Variants in PAICS observed in about 807,000 individuals in gnomAD.
The protein encoded by PAICS is phosphoribosylaminoimidazole carboxylase and phosphoribosylaminoimidazolesuccinocarboxamide synthase.
A neutral mutation model predicts 53.7 loss-of-function variants in PAICS; 33 were observed. That is an observed-to-expected ratio of 0.61 (90% CI 0.47 to 0.82). The LOEUF is 0.82. Ranked by LOEUF, PAICS falls within the 40% of genes least tolerant of loss-of-function variation. PAICS has a pLI of 0.00. For synonymous variants in PAICS, 141 were observed against 167.2 expected, an observed-to-expected ratio of 0.84 and a Z score of 1.21; for missense variants, 394 against 494.1, an observed-to-expected ratio of 0.80 and a Z score of 1.92.
In PAICS at chr4:56,459,570, A is replaced by T; in HGVS notation, c.*32A>T. 6.8e-7 allele frequency: 1 copy of T among 1,469,052 alleles called. No individual in the cohort carries two copies. Among genetic ancestry groups the T allele is most frequent in the South Asian group, 1.3e-5 (1 of 76,448 alleles). 91.0% of individuals were successfully genotyped at this position (1,469,052 alleles called of 1,614,324 possible). A position where few individuals can be genotyped will look rare whatever the true frequency, so the allele number is the denominator to read the frequency against. Reference sequence around the variant, plus strand: ...ATGCCATTGAATTTTTTAGGGGAAAAACTACAAATTTCTAATTTAGCTGAA... The same window carrying T: ...ATGCCATTGAATTTTTTAGGGGAAATACTACAAATTTCTAATTTAGCTGAA... On this transcript the variant is annotated 3_prime_UTR_variant, in exon 9 of 9. Transcript: ENST00000512576.
upstream of PAICS, among the ~76,000 whole-genome samples, chr4:56,434,598 G>C (rs144298967): frequency 2.0e-5 from 3 of 152,146 alleles, no homozygotes; most frequent in Non-Finnish European, 4.4e-5. Context: ...TTGGCATAGA[G>C]ACACTACTCC....
upstream of PAICS, among the ~76,000 whole-genome samples, chr4:56,433,916 T>C (rs1717749189): frequency 6.6e-6 from 1 of 152,118 alleles, no homozygotes; most frequent in Non-Finnish European, 1.5e-5. Context: ...GGTCTCGATC[T>C]CTTAACCTCG....
At chr4:56,415,472 C>T in the PAICS span, among the ~76,000 whole-genome samples, 2 of 152,154 alleles carry the variant, frequency 1.3e-5, no homozygotes, top group East Asian at 3.9e-4. Flanking sequence ...TATATAAAAG[C>T]ATCCAAACCA....
chr4:56,455,893 G>C (rs1049337642), intron 8 of PAICS, among the ~76,000 whole-genome samples: 1 of 152,082 alleles, frequency 6.6e-6, no homozygotes, highest in Non-Finnish European at 1.5e-5. Context: ...CTTTCGGTGA[G>C]CTCTTTTAAT....
chr4:56,429,940 T>C, the PAICS span, among the ~76,000 whole-genome samples: 2 of 152,116 alleles, frequency 1.3e-5, no homozygotes, highest in Non-Finnish European at 1.5e-5. Context: ...TTATTTTTTA[T>C]TACTGTAGAA....
At chr4:56,436,216 C>T (rs547736974), upstream of PAICS, 21 of 1,536,162 alleles carry the variant, frequency 1.4e-5, 1 homozygote, top group South Asian at 2.5e-4. Flanking sequence ...GCGGCCCCGC[C>T]TCCTTCCCCG....
intron 7 of PAICS, among the ~76,000 whole-genome samples, chr4:56,452,597 G>T (rs191932179): frequency 1.1e-4 from 16 of 152,286 alleles, no homozygotes; most frequent in Admixed American, 2.6e-4. Context: ...CTAGAATGAT[G>T]AGAACCTCTG....
At chr4:56,459,206 A>C (rs1719375020) in intron 8 of PAICS, among the ~76,000 whole-genome samples, 166 bp from the exon 9 acceptor site, 1 of 152,170 alleles carries the variant, frequency 6.6e-6, no homozygotes, top group African/African-American at 2.4e-5. Flanking sequence ...TCACTTTACC[A>C]CTCCGGTATT....
At position 56,460,700 on chromosome 4, in the gene PAICS, G is replaced by C. The variant is rs1719467090; in HGVS notation, c.*1162G>C. The stretch of plus-strand genomic sequence containing the variant: ...AGAATTGATGAGGTAGCTGGGCACA[G>C]TGGCTCACACCTACGATCACAGCAC... On this transcript the variant is annotated 3_prime_UTR_variant, in exon 9 of 9. Transcript: ENST00000512576. 6.6e-6 allele frequency: 1 copy of C among 152,240 alleles called. No individual in the cohort carries two copies. The highest frequency in any genetic ancestry group is 6.5e-5 in the Admixed American group (1 of 15,288). The allele number at this position is 152,240 out of a possible 1,614,324, so 9.4% of individuals were successfully genotyped here.
At chr4:56,437,732 A>T (rs1156954612) in intron 1 of PAICS, among the ~76,000 whole-genome samples, 1 of 150,430 alleles carries the variant, frequency 6.6e-6, no homozygotes, top group South Asian at 2.1e-4. Context: ...GAGGCAGGAG[A>T]ATCACTTGAA....
At chr4:56,423,088 G>A in the PAICS span, 13,991 of 152,190 alleles carry the variant, frequency 0.092, 799 homozygotes, top group East Asian at 0.25. Context: ...ACCAAAACTG[G>A]GGAGGAGGAG....
upstream of PAICS, among the ~76,000 whole-genome samples, chr4:56,434,533 A>C (rs1717791834): frequency 6.6e-6 from 1 of 152,240 alleles, no homozygotes; most frequent in Non-Finnish European, 1.5e-5. Context: ...GAAGCAAAGT[A>C]ATTTTTTTTA....
At chr4:56,442,341 T>G (rs982510951) in intron 2 of PAICS, among the ~76,000 whole-genome samples, 3 of 152,086 alleles carry the variant, frequency 2.0e-5, no homozygotes, top group African/African-American at 7.2e-5. Context: ...CTCCTGCCAT[T>G]CCCCAAGTGA....
chr4:56,441,497 TG>T (rs1718337156), intron 1 of PAICS, among the ~76,000 whole-genome samples, 165 bp from the exon 2 acceptor site: 1 of 152,208 alleles, frequency 6.6e-6, no homozygotes, highest in Non-Finnish European at 1.5e-5. Flanking sequence ...TCAAATGTGA[TG>T]GTATGAGAAA....
At chr4:56,436,809 A>G (rs984246163) in intron 1 of PAICS, among the ~76,000 whole-genome samples, 10 of 152,298 alleles carry the variant, frequency 6.6e-5, no homozygotes, top group African/African-American at 1.9e-4. Context: ...AGCCTGGCCA[A>G]CATGGCGAAA....
At chr4:56,426,427 T>A in the PAICS span, among the ~76,000 whole-genome samples, 19 of 151,796 alleles carry the variant, frequency 1.3e-4, no homozygotes, top group East Asian at 3.3e-3. Flanking sequence ...AGAAACCCCA[T>A]ATCCATCAGT....
chr4:56,435,491 G>A (rs1438933888), upstream of PAICS: 2 of 1,613,028 alleles, frequency 1.2e-6, no homozygotes, highest in African/African-American at 1.3e-5. Context: ...GCCGCCGAAA[G>A]CACGTGGAAG....
chr4:56,454,251 C>T (rs950603306), intron 8 of PAICS, among the ~76,000 whole-genome samples: 1 of 152,122 alleles, frequency 6.6e-6, no homozygotes, highest in African/African-American at 2.4e-5. Context: ...TGGGCATGTG[C>T]AGTTATCTCT....
chr4:56,423,990 A>G, the PAICS span, among the ~76,000 whole-genome samples: 4 of 152,188 alleles, frequency 2.6e-5, no homozygotes, highest in Non-Finnish European at 1.5e-5. Context: ...AAAAATTCAC[A>G]TGAAATAGTC....
Sources: gnomAD v4.1 joint callset for allele counts (sites outside exome capture counted in the v4.1 genomes callset) on GRCh38, gnomAD v4.1.1 for gene constraint, MANE v1.5 for transcripts, NCBI Gene and HGNC (gene_info 2026-07-23, HGNC 2026-07-21) for gene names.